The following LSAMP variants were observed in gnomAD, a reference collection of about 807,000 sequenced individuals.
LSAMP encodes the protein limbic system associated membrane protein.
LSAMP carries 7 observed loss-of-function variants against 38.6 expected under a neutral mutation model. That is an observed-to-expected ratio of 0.18 (90% CI 0.10 to 0.34). The LOEUF is 0.34. LSAMP is among the 10% of genes least tolerant of loss of function. LSAMP has a pLI of 1.00. For missense variants in LSAMP, 313 were observed against 420.0 expected (o/e 0.75, Z 2.23); for synonymous variants, 154 against 166.8 (o/e 0.92, Z 0.59).
chr3:116,249,010 A>G (rs923571611), intron 1 of LSAMP, among the ~76,000 whole-genome samples: 5 of 151,954 alleles, frequency 3.3e-5, no homozygotes, highest in African/African-American at 9.7e-5. Flanking sequence ...TTAGCCGGGC[A>G]TGGTGGCAGG....
intron 2 of LSAMP, among the ~76,000 whole-genome samples, chr3:116,033,485 T>C (rs1449955349): frequency 6.6e-6 from 1 of 152,126 alleles, no homozygotes; most frequent in Non-Finnish European, 1.5e-5. Context: ...CTCTATGTCC[T>C]AAGGAAACAA....
At chr3:116,407,697 C>G (rs1039893833) in intron 1 of LSAMP, among the ~76,000 whole-genome samples, 1 of 151,982 alleles carries the variant, frequency 6.6e-6, no homozygotes, top group Non-Finnish European at 1.5e-5. Context: ...CCTGATTTAC[C>G]TTGTCATGGA....
chr3:116,346,604 C>T (rs1398113394), intron 1 of LSAMP, among the ~76,000 whole-genome samples: 1 of 152,164 alleles, frequency 6.6e-6, no homozygotes, highest in East Asian at 1.9e-4. Flanking sequence ...GCTGGAATTA[C>T]AGGTGTGAGC....
chr3:115,969,536 C>A (rs1559902015), intron 3 of LSAMP, among the ~76,000 whole-genome samples: 2 of 152,108 alleles, frequency 1.3e-5, no homozygotes, highest in African/African-American at 2.4e-5. Context: ...GGTGACCCAC[C>A]CTTCTGGCGA....
At chr3:115,835,847 GAAC>G (rs1934764117) in intron 6 of LSAMP, among the ~76,000 whole-genome samples, 1 of 152,152 alleles carries the variant, frequency 6.6e-6, no homozygotes, top group Non-Finnish European at 1.5e-5. Flanking sequence ...GCAGCCCAGT[GAAC>G]AATTGTGTGT....
intron 3 of LSAMP, among the ~76,000 whole-genome samples, chr3:115,900,051 C>A (rs190252128): frequency 6.6e-4 from 101 of 152,262 alleles, no homozygotes; most frequent in African/African-American, 2.3e-3. Flanking sequence ...TGTAGAATTA[C>A]ACTTAACTAT....
chr3:116,348,803 C>A (rs747055334), intron 1 of LSAMP, among the ~76,000 whole-genome samples: 1 of 152,044 alleles, frequency 6.6e-6, no homozygotes, highest in African/African-American at 2.4e-5. Context: ...GGATAAAGGG[C>A]AACAAATACT....
intron 1 of LSAMP, among the ~76,000 whole-genome samples, chr3:116,430,359 T>A (rs749864758): frequency 6.6e-6 from 1 of 151,846 alleles, no homozygotes; most frequent in Non-Finnish European, 1.5e-5. Flanking sequence ...CAAAATAAAC[T>A]AGAGAGGGAA....
At chr3:116,260,049 T>G (rs1022689452) in intron 1 of LSAMP, among the ~76,000 whole-genome samples, 4 of 152,292 alleles carry the variant, frequency 2.6e-5, no homozygotes, top group Admixed American at 6.5e-5. Flanking sequence ...CTTGGAGAAG[T>G]TACATTTCCA....
chr3:116,401,772 A>G (rs1352984103), intron 1 of LSAMP, among the ~76,000 whole-genome samples: 1 of 152,222 alleles, frequency 6.6e-6, no homozygotes, highest in Non-Finnish European at 1.5e-5. Flanking sequence ...AAGGCTATAT[A>G]TGTTCTGTCA....
chr3:115,901,594 G>A lies in LSAMP; in HGVS notation c.515-48977C>T, dbSNP rs1576200684. Among the ~76,000 whole-genome samples the A allele has an allele frequency of 2.6e-5, 4 of 152,204 alleles. No individual in the cohort carries two copies. In the South Asian group the frequency reaches 6.2e-4, roughly 24 times the overall value. On this transcript the variant is annotated intron_variant, in intron 3 of 6. Transcript: ENST00000490035. ...CCTGTATTTCCTATCTCAACGTATAGCATCTAAATCCACTCAGTAATCGAA... is the reference window on the plus strand; with the variant it reads ...CCTGTATTTCCTATCTCAACGTATAACATCTAAATCCACTCAGTAATCGAA...
intron 1 of LSAMP, among the ~76,000 whole-genome samples, chr3:116,352,801 A>G (rs145242382): frequency 5.9e-4 from 90 of 152,196 alleles, no homozygotes; most frequent in African/African-American, 2.1e-3. Flanking sequence ...TTGTATAATA[A>G]TGACTTTTTT....
chr3:116,108,751 C>T (rs1401432605), intron 1 of LSAMP, among the ~76,000 whole-genome samples: 1 of 152,142 alleles, frequency 6.6e-6, no homozygotes, highest in African/African-American at 2.4e-5. Flanking sequence ...ATTCCTTGGC[C>T]TGGTGGTCAG....
chr3:116,284,225 G>A (rs1337592096), intron 1 of LSAMP, among the ~76,000 whole-genome samples: 2 of 152,070 alleles, frequency 1.3e-5, no homozygotes, highest in African/African-American at 4.8e-5. Flanking sequence ...CATGCCTGAA[G>A]TTGCTTACCT....
chr3:116,142,363 A>C (rs1309423595), intron 1 of LSAMP, among the ~76,000 whole-genome samples: 1 of 151,992 alleles, frequency 6.6e-6, no homozygotes, highest in African/African-American at 2.4e-5. Context: ...CACAAAATTA[A>C]ACTCCAAAAG....
chr3:116,225,532 G>T (rs574666986), intron 1 of LSAMP, among the ~76,000 whole-genome samples: 1 of 152,192 alleles, frequency 6.6e-6, no homozygotes, highest in African/African-American at 2.4e-5. Flanking sequence ...TCTAGTAAAC[G>T]TTATTACAAA....
intron 2 of LSAMP, among the ~76,000 whole-genome samples, chr3:116,084,756 A>G (rs1311816899): frequency 2.6e-5 from 4 of 152,114 alleles, no homozygotes; most frequent in Non-Finnish European, 5.9e-5. Flanking sequence ...CAATATAATC[A>G]ATCAGTTTTT....
chr3:116,003,340 T>G (rs1365201919), intron 3 of LSAMP, among the ~76,000 whole-genome samples: 1 of 152,174 alleles, frequency 6.6e-6, no homozygotes, highest in Non-Finnish European at 1.5e-5. Flanking sequence ...TTGTGTAGTA[T>G]AGAAAATCTC....
chr3:115,856,676 C>T, intron 3 of LSAMP, among the ~76,000 whole-genome samples: 1 of 151,848 alleles, frequency 6.6e-6, no homozygotes. Flanking sequence ...GCCTCTTCTG[C>T]CACGTAAGGA....
Sources: allele counts gnomAD v4.1 joint callset (sites outside exome capture counted in the v4.1 genomes callset), GRCh38; gene constraint gnomAD v4.1.1; transcripts MANE v1.5; gene names NCBI Gene and HGNC (gene_info 2026-07-23, HGNC 2026-07-21).